Variants in FAM222B observed in about 807,000 individuals in gnomAD.
FAM222B encodes the protein family with sequence similarity 222 member B.
Under a neutral mutation model 38.0 loss-of-function variants are expected in FAM222B, and 12 were observed. The observed-to-expected ratio is 0.32, with a 90% CI of 0.20 to 0.51. The LOEUF (loss-of-function observed/expected upper bound fraction) is 0.51, where lower values mean the gene tolerates loss of function less well. Among genes scored for constraint, FAM222B ranks in the 20% least tolerant of loss-of-function variants. FAM222B has a pLI of 0.97. For synonymous variants in FAM222B, 329 were observed against 317.2 expected (o/e 1.04, Z -0.40); for missense variants, 716 against 754.2 (o/e 0.95, Z 0.59).
intron 1 of FAM222B, among the ~76,000 whole-genome samples, chr17:28,778,697 G>GTA (rs1204895077): frequency 2.4e-4 from 11 of 45,342 alleles, no homozygotes; most frequent in East Asian, 1.3e-3. Context: ...GTGTGTGTGT[G>GTA]TATATATATA....
Position 28,758,485 on chromosome 17 carries a change from C to T in FAM222B, c.1474G>A (p.Gly492Arg), listed in dbSNP as rs762089934. 1.1e-5 allele frequency: 18 copies of T among 1,612,832 alleles called. No homozygotes were observed. The highest frequency in any genetic ancestry group is 1.6e-4 in the Middle Eastern group (1 of 6,082). ...GAPLDCAAAP[G>R]AHYRAGTGGG... ...CCGGTCCCTGCTCGGTAGTGGGCCC[C>T]GGGAGCTGCCGCACAGTCGAGGGGT... The change falls in exon 3 of 3, where the codon GGG becomes AGG. Residue 492 changes from glycine (G) to arginine (R), a missense_variant. By Grantham distance (125) the Gly-to-Arg change is moderately radical. Transcript: ENST00000581407.
At chr17:28,845,943 C>A (rs1054877101), upstream of FAM222B, among the ~76,000 whole-genome samples, 18 of 150,686 alleles carry the variant, frequency 1.2e-4, no homozygotes, top group Non-Finnish European at 2.9e-5. Flanking sequence ...GTGGCTCACG[C>A]CTGTAATCTC....
At chr17:28,817,160 C>T (rs2038054533) in intron 1 of FAM222B, among the ~76,000 whole-genome samples, 1 of 152,076 alleles carries the variant, frequency 6.6e-6, no homozygotes, top group Non-Finnish European at 1.5e-5. Context: ...CACCTGTAAT[C>T]CCAGCACTTT....
At chr17:28,792,995 G>A (rs2036773849) in intron 1 of FAM222B, among the ~76,000 whole-genome samples, 1 of 151,642 alleles carries the variant, frequency 6.6e-6, no homozygotes, top group Non-Finnish European at 1.5e-5. Flanking sequence ...GACCACAACT[G>A]CAGCCTCGAC....
At chr17:28,819,367 G>C (rs1032810651) in intron 1 of FAM222B, among the ~76,000 whole-genome samples, 1 of 152,102 alleles carries the variant, frequency 6.6e-6, no homozygotes, top group Non-Finnish European at 1.5e-5. Flanking sequence ...AAGAATATGA[G>C]ATAGTAAATC....
intron 1 of FAM222B, among the ~76,000 whole-genome samples, chr17:28,822,467 T>C (rs909195338): frequency 1.3e-5 from 2 of 150,718 alleles, no homozygotes; most frequent in African/African-American, 4.9e-5. Context: ...CTACTAAAAA[T>C]ACAAAAATTA....
At chr17:28,795,442 CT>C (rs1432262551) in intron 1 of FAM222B, among the ~76,000 whole-genome samples, 2 of 152,118 alleles carry the variant, frequency 1.3e-5, no homozygotes, top group Non-Finnish European at 2.9e-5. Flanking sequence ...ACCCAGACTT[CT>C]TTTGTTTTTA....
intron 2 of FAM222B, among the ~76,000 whole-genome samples, chr17:28,760,247 C>A (rs79744241): frequency 6.6e-6 from 1 of 152,202 alleles, no homozygotes; most frequent in East Asian, 1.9e-4. Context: ...GGCCAATTCT[C>A]AGAGAGGTAA....
At chr17:28,769,174 C>CTTTTTTTT (rs35918064) in intron 1 of FAM222B, among the ~76,000 whole-genome samples, 38 of 82,568 alleles carry the variant, frequency 4.6e-4, no homozygotes, top group Non-Finnish European at 5.9e-4. Context: ...AATGTTAGTT[C>CTTTTTTTT]TTTTTTTTTT....
chr17:28,771,945 T>C (rs1045338666), intron 1 of FAM222B, among the ~76,000 whole-genome samples: 2 of 152,070 alleles, frequency 1.3e-5, no homozygotes, highest in African/African-American at 4.8e-5. Context: ...CAGTCCCAGC[T>C]ACTCAGGAGT....
intron 1 of FAM222B, among the ~76,000 whole-genome samples, chr17:28,807,302 C>A (rs1185733538): frequency 1.3e-5 from 2 of 152,086 alleles, no homozygotes; most frequent in Non-Finnish European, 2.9e-5. Context: ...AGGCGTGAGC[C>A]ACCGCGCCTG....
chr17:28,758,434 T>G lies in FAM222B; in HGVS notation c.1525A>C (p.Ser509Arg), dbSNP rs1370652709. 1 of 1,613,788 alleles carries G rather than the reference T, an allele frequency of 6.2e-7. No individual in the cohort carries two copies. Among genetic ancestry groups the G allele is most frequent in the Non-Finnish European group, 8.5e-7 (1 of 1,179,866 alleles). The change falls in exon 3 of 3, where the codon AGC (serine) becomes CGC (arginine). Residue 509 changes from serine (S) to arginine (R), a missense_variant. By Grantham distance (110) the Ser-to-Arg change is moderately radical. Transcript: ENST00000581407. Reference sequence around the variant, plus strand: ...AGGTAATCCACTGTTTGCATCAAGCTGTTCTGGCTTGCCACTGGACCGCCC... The same window carrying G: ...AGGTAATCCACTGTTTGCATCAAGCGGTTCTGGCTTGCCACTGGACCGCCC... ...TGGGPVASQN[S>R]LMQTVDYLSG...
intron 1 of FAM222B, among the ~76,000 whole-genome samples, chr17:28,785,894 G>A (rs776371269): frequency 6.6e-6 from 1 of 152,088 alleles, no homozygotes; most frequent in African/African-American, 2.4e-5. Flanking sequence ...ATTTTTAGTA[G>A]AGACGGGGTT....
At chr17:28,801,777 G>A (rs2037242349) in intron 1 of FAM222B, among the ~76,000 whole-genome samples, 1 of 152,000 alleles carries the variant, frequency 6.6e-6, no homozygotes, top group South Asian at 2.1e-4. Flanking sequence ...TCCTTTTAAA[G>A]TAGATTAAGT....
intron 1 of FAM222B, among the ~76,000 whole-genome samples, chr17:28,805,722 C>A (rs2151912371): frequency 6.6e-6 from 1 of 151,972 alleles, no homozygotes; most frequent in East Asian, 1.9e-4. Context: ...AAGTGTAATA[C>A]AGGTTCTTGG....
At chr17:28,777,479 C>T (rs1180790148) in intron 1 of FAM222B, among the ~76,000 whole-genome samples, 1 of 152,102 alleles carries the variant, frequency 6.6e-6, no homozygotes, top group Non-Finnish European at 1.5e-5. Context: ...ATTCAGGTAC[C>T]AGGGAAGTAT....
chr17:28,794,753 A>T (rs957699549), intron 1 of FAM222B, among the ~76,000 whole-genome samples: 10 of 152,168 alleles, frequency 6.6e-5, no homozygotes, highest in African/African-American at 2.4e-4. Context: ...ATCCCTCTTT[A>T]TCCATCTTAT....
chr17:28,829,851 T>C (rs942615054), intron 1 of FAM222B, among the ~76,000 whole-genome samples: 1 of 149,572 alleles, frequency 6.7e-6, no homozygotes, highest in African/African-American at 2.4e-5. Flanking sequence ...TTTTTTTAAA[T>C]TTTTTTTTTT....
At chr17:28,849,838 T>C (rs1652709850) in intron 1 of FAM222B, among the ~76,000 whole-genome samples, 1 of 152,036 alleles carries the variant, frequency 6.6e-6, no homozygotes, top group African/African-American at 2.4e-5. Flanking sequence ...TCCCAGCACT[T>C]TGGGAGGCCG....
Sources: gnomAD v4.1 joint callset for allele counts (sites outside exome capture counted in the v4.1 genomes callset) on GRCh38, gnomAD v4.1.1 for gene constraint, MANE v1.5 for transcripts, NCBI Gene and HGNC (gene_info 2026-07-23, HGNC 2026-07-21) for gene names.